MORN4: variants seen among roughly 807,000 people sequenced by gnomAD.
MORN4 encodes the protein MORN repeat containing 4, also known as MORN repeat-containing protein 4.
A neutral mutation model predicts 16.4 loss-of-function variants in MORN4; 8 were observed. The observed-to-expected ratio is 0.49, with a 90% confidence interval of 0.29 to 0.88. The LOEUF is 0.88. Ranked by LOEUF, MORN4 falls within the 40% of genes least tolerant of loss-of-function variation. The pLI, the probability that MORN4 is intolerant of heterozygous loss-of-function variation, is 0.09. For synonymous variants in MORN4, 53 were observed against 68.9 expected (o/e 0.77, Z 1.14); for missense variants, 159 against 182.9 (o/e 0.87, Z 0.75).
intron 1 of MORN4, among the ~76,000 whole-genome samples, chr10:97,628,365 AT>A: frequency 6.6e-6 from 1 of 152,256 alleles, no homozygotes; most frequent in Non-Finnish European, 1.5e-5. Flanking sequence ...ACTGCCTTGT[AT>A]TTATTTACTT....
chr10:97,628,393 GA>G lies in MORN4; in HGVS notation c.-31+4953del, dbSNP rs199998247. On this transcript the variant is annotated intron_variant, in intron 1 of 4. Coordinates refer to ENST00000307450, the MANE Select transcript of MORN4 (RefSeq NM_178832.4). ...TATTTACTTTTTCTCAAGGCTACGT[GA>G]AACTTCCAAAGAGTGGCATTCTACC... is the stretch of plus-strand genomic sequence containing the variant. Among the ~76,000 whole-genome samples the G allele has an allele frequency of 1.3e-4, 20 of 152,288 alleles. No individual in the cohort carries two copies. In the East Asian group the frequency reaches 3.7e-3, roughly 28 times the overall value.
chr10:97,629,413 G>A (rs1013528219), intron 1 of MORN4, among the ~76,000 whole-genome samples: 2 of 152,134 alleles, frequency 1.3e-5, no homozygotes, highest in African/African-American at 2.4e-5. Context: ...GTGTTCTGAG[G>A]TTAGATCATA....
intron 1 of MORN4, among the ~76,000 whole-genome samples, chr10:97,629,987 C>G (rs570791388): frequency 6.9e-6 from 1 of 145,162 alleles, no homozygotes; most frequent in East Asian, 2.0e-4. Flanking sequence ...TTCAGTGGCA[C>G]GATCTCAGCT....
intron 1 of MORN4, among the ~76,000 whole-genome samples, chr10:97,631,204 T>A (rs1401408138): frequency 6.6e-6 from 1 of 152,164 alleles, no homozygotes; most frequent in Non-Finnish European, 1.5e-5. Context: ...ATCCAAATCA[T>A]ATTTTTAAAG....
chr10:97,633,650 C>A, upstream of MORN4: 1 of 1,272,232 alleles, frequency 7.9e-7, no homozygotes, highest in South Asian at 1.3e-5. This position sits in a 1 kb window ranked among gnomAD's most constrained non-coding sequence, Gnocchi z 4.5. Context: ...GTGGTCCCAC[C>A]TCTGCAACGC....
rs565811791 is a variant in MORN4 at position 97,618,003 on chromosome 10, C to T, written c.68-681G>A. ...CAGCCTGGCTAACATGGTGAAACCC[C>T]GTTTCTACTAAAACTACAAAAAATT... On this transcript the variant is annotated intron_variant, in intron 2 of 4. Transcript: ENST00000307450. 5.1e-4 allele frequency among the ~76,000 whole-genome samples: 77 copies of T among 152,016 alleles called. 1 individual carries two copies. Among genetic ancestry groups the T allele is most frequent in the Middle Eastern group, 6.8e-3 (2 of 294 alleles).
In MORN4 at chr10:97,633,209, C is replaced by T. The variant is rs1349832569; in HGVS notation, c.-31+138G>A. 2.8e-6 allele frequency: 3 copies of T among 1,080,464 alleles called. No individual in the cohort carries two copies. The highest frequency in any genetic ancestry group is 3.0e-5 in the South Asian group (2 of 66,590). The allele number at this position is 1,080,464 out of a possible 1,614,324, so 66.9% of individuals were successfully genotyped here. ...AAAGGGTTCAGGTTTGGGTCCCCCACAGGCAACCGCCCTCAGGTCAGCGTA... is the reference window on the plus strand; with the variant it reads ...AAAGGGTTCAGGTTTGGGTCCCCCATAGGCAACCGCCCTCAGGTCAGCGTA... On this transcript the variant is annotated intron_variant, in intron 1 of 4. Transcript: ENST00000307450. The surrounding 1 kb of genome is among the most constrained non-coding windows in gnomAD (Gnocchi z 4.5).
At chr10:97,630,852 C>A (rs1014549809) in intron 1 of MORN4, among the ~76,000 whole-genome samples, 2 of 152,126 alleles carry the variant, frequency 1.3e-5, no homozygotes, top group African/African-American at 2.4e-5. Context: ...AGACTGAAAG[C>A]CCAATACTTT....
At chr10:97,618,050 G>A (rs935780490) in intron 2 of MORN4, among the ~76,000 whole-genome samples, 2 of 149,768 alleles carry the variant, frequency 1.3e-5, no homozygotes, top group South Asian at 2.1e-4. Context: ...GTGGTGGCGC[G>A]CTCCTGTAAC....
At chr10:97,628,520 T>TA (rs2041367937) in intron 1 of MORN4, among the ~76,000 whole-genome samples, 1 of 151,870 alleles carries the variant, frequency 6.6e-6, no homozygotes, top group Admixed American at 6.6e-5. Flanking sequence ...GTGGTACACC[T>TA]AACCACTTTT....
chr10:97,634,092 A>G (rs765799884), upstream of MORN4, among the ~76,000 whole-genome samples: 1 of 152,094 alleles, frequency 6.6e-6, no homozygotes, highest in Non-Finnish European at 1.5e-5. Context: ...CTTGAGCCCA[A>G]GAGTTCTAGA....
intron 1 of MORN4, among the ~76,000 whole-genome samples, chr10:97,632,725 A>G (rs1186976857): frequency 2.7e-5 from 4 of 149,418 alleles, no homozygotes; most frequent in South Asian, 2.1e-4. Flanking sequence ...TTTTATTTAA[A>G]GGCGATGATG....
rs992297616 is a variant in MORN4 at position 97,615,673 on chromosome 10, T to A, written c.*590A>T. 6.6e-6 allele frequency: 1 copy of A among 151,976 alleles called. No individual in the cohort carries two copies. Among genetic ancestry groups the A allele is most frequent in the African/African-American group, 2.4e-5 (1 of 41,372 alleles). The allele number at this position is 151,976 out of a possible 1,614,324, so 9.4% of individuals were successfully genotyped here. On this transcript the variant is annotated 3_prime_UTR_variant, in exon 5 of 5. Coordinates refer to ENST00000307450, the MANE Select transcript of MORN4 (RefSeq NM_178832.4). ...CTGGGAGGCAGAAGTTGCAGTGAGC[T>A]GAGATCATGCCACTGCACTCTAGCC...
intron 4 of MORN4, 22 bp from the exon 5 acceptor site, chr10:97,616,433 T>C: frequency 6.3e-7 from 1 of 1,577,368 alleles, no homozygotes; most frequent in South Asian, 1.2e-5. Flanking sequence ...GCAGAGAAAA[T>C]ATGGGAGTGA....
In MORN4 at chr10:97,616,296, G is replaced by A. The variant is rs372240575; in HGVS notation, c.408C>T (p.Ser136=). The change falls in exon 5 of 5, where the codon AGC becomes AGT. Residue 136 remains serine, a synonymous_variant. Transcript: ENST00000307450. ...KCSAIVQRAQ[S]ASKSARNLTA is the part of the protein sequence containing the mutation. Reference sequence around the variant, plus strand: ...TGAGATTTCTGGCTGACTTGGAGGCGCTCTGGGCCCGCTGAACAATGGCAG... The same window carrying A: ...TGAGATTTCTGGCTGACTTGGAGGCACTCTGGGCCCGCTGAACAATGGCAG... 34 of 1,610,534 alleles carry A rather than the reference G, an allele frequency of 2.1e-5. No homozygotes were observed. Among genetic ancestry groups the A allele is most frequent in the South Asian group, 7.7e-5 (7 of 90,642 alleles).
At chr10:97,626,379 AAATAATAATAAT>A (rs77465738) in intron 1 of MORN4, among the ~76,000 whole-genome samples, 2,227 of 103,540 alleles carry the variant, frequency 0.022, 37 homozygotes, top group African/African-American at 0.061. Context: ...TCTGACTCAA[AAATAATAATAAT>A]AATAATCATA....
At position 97,616,179 on chromosome 10, in the gene MORN4, A is replaced by G; in HGVS notation, c.*84T>C. 2.2e-6 allele frequency: 3 copies of G among 1,380,120 alleles called. No homozygotes were observed. Among genetic ancestry groups the G allele is most frequent in the Non-Finnish European group, 2.9e-6 (3 of 1,032,950 alleles). The allele number at this position is 1,380,120 out of a possible 1,614,324, so 85.5% of individuals were successfully genotyped here. ...TCCACTGTCATTGTCAACTCATCTC[A>G]GCTCTGATTCATTTGTTCACCTCGA... is the stretch of plus-strand genomic sequence containing the variant. On this transcript the variant is annotated 3_prime_UTR_variant, in exon 5 of 5. Transcript: ENST00000307450.
In MORN4 at chr10:97,615,136, T is replaced by A. The variant is rs914909369; in HGVS notation, c.*1127A>T. ...ATGGGGATTATCTGCTCTAAGTTGA[T>A]GAAAGAAGACAGCCTGTCTTCTAAA... On this transcript the variant is annotated 3_prime_UTR_variant, in exon 5 of 5. Coordinates refer to ENST00000307450, the MANE Select transcript of MORN4 (RefSeq NM_178832.4). 6.6e-5 allele frequency: 10 copies of A among 152,582 alleles called. No homozygotes were observed. Among genetic ancestry groups the A allele is most frequent in the African/African-American group, 2.2e-4 (9 of 41,424 alleles). The allele number at this position is 152,582 out of a possible 1,614,324, so 9.5% of individuals were successfully genotyped here. A position where few individuals can be genotyped will look rare whatever the true frequency, so the allele number is the denominator to read the frequency against.
chr10:97,622,041 G>T (rs2041301779), intron 1 of MORN4, among the ~76,000 whole-genome samples: 1 of 152,158 alleles, frequency 6.6e-6, no homozygotes, highest in Admixed American at 6.5e-5. Flanking sequence ...CCATGTAAAT[G>T]AGTCCAATCT....
Sources: gnomAD v4.1 joint callset for allele counts (sites outside exome capture counted in the v4.1 genomes callset) on GRCh38, gnomAD v4.1.1 for gene constraint, Gnocchi (gnomAD v3.1) non-coding constraint, MANE v1.5 for transcripts, NCBI Gene and HGNC (gene_info 2026-07-23, HGNC 2026-07-21) for gene names.